The following FGF13 variants were observed in gnomAD, a reference collection of about 807,000 sequenced individuals.
FGF13 encodes the protein fibroblast growth factor 13, also known as fibroblast growth factor homologous factor 2.
Under a neutral mutation model 19.5 loss-of-function variants are expected in FGF13, and 2 were observed. The observed-to-expected ratio is 0.10, with a 90% CI of 0.04 to 0.32. The LOEUF (loss-of-function observed/expected upper bound fraction) is 0.32, where lower values mean the gene tolerates loss of function less well. Among genes scored for constraint, FGF13 ranks in the 10% least tolerant of loss-of-function variants. The probability of loss-of-function intolerance (pLI) is 1.00; values close to 1 mark genes in which losing one functional copy is unlikely to be tolerated. For synonymous variants in FGF13, 72 were observed against 76.9 expected, an observed-to-expected ratio of 0.94 and a Z score of 0.33; for missense variants, 113 against 192.7, an observed-to-expected ratio of 0.59 and a Z score of 2.45.
upstream of FGF13, among the ~76,000 whole-genome samples, chrX:138,742,504 C>T (rs776156099): frequency 1.8e-5 from 2 of 111,424 alleles, no homozygotes; most frequent in East Asian, 2.9e-4. Flanking sequence ...CTCTCTCTCT[C>T]TCTCTCTCTC....
chrX:139,116,659 G>C (rs2083641455), intron 1 of FGF13, among the ~76,000 whole-genome samples: 1 of 111,272 alleles, frequency 9.0e-6, no homozygotes, highest in Non-Finnish European at 1.9e-5. Context: ...GCTCCTTCAA[G>C]TTGGTGAAGA....
chrX:138,860,849 G>A (rs1162282989), intron 2 of FGF13, among the ~76,000 whole-genome samples: 1 of 111,962 alleles, frequency 8.9e-6, no homozygotes, highest in East Asian at 2.8e-4. Context: ...GGGAAATTTT[G>A]CCCATATAGG....
intron 1 of FGF13, among the ~76,000 whole-genome samples, chrX:139,024,536 AC>A (rs768037511): frequency 4.1e-4 from 45 of 110,647 alleles, no homozygotes; most frequent in Non-Finnish European, 6.8e-4. Flanking sequence ...TCTCATTCTC[AC>A]CCCATTGTGC....
At chrX:139,069,844 G>C in intron 1 of FGF13, among the ~76,000 whole-genome samples, 1 of 111,950 alleles carries the variant, frequency 8.9e-6, no homozygotes, top group Admixed American at 9.5e-5. Flanking sequence ...ACAACCATCT[G>C]ATCTTTGACA....
intron 1 of FGF13, among the ~76,000 whole-genome samples, chrX:139,066,208 C>T (rs2092355820): frequency 1.8e-5 from 2 of 111,294 alleles, no homozygotes; most frequent in African/African-American, 6.5e-5. Flanking sequence ...TAAATGCCCA[C>T]GAGAGAAAGC....
chrX:138,871,313 T>C (rs1319845659), intron 1 of FGF13, among the ~76,000 whole-genome samples: 1 of 112,056 alleles, frequency 8.9e-6, no homozygotes, highest in Non-Finnish European at 1.9e-5. Flanking sequence ...CAACAAATAT[T>C]TATTGGAAAT....
At chrX:139,165,552 G>A (rs746552249) in intron 1 of FGF13, among the ~76,000 whole-genome samples, 3 of 111,389 alleles carry the variant, frequency 2.7e-5, no homozygotes, top group Non-Finnish European at 5.7e-5. Context: ...CTTCCATCAG[G>A]GGCCCAGAGC....
chrX:138,767,353 G>T (rs1391599962), intron 3 of FGF13, among the ~76,000 whole-genome samples: 1 of 111,901 alleles, frequency 8.9e-6, no homozygotes, highest in East Asian at 2.8e-4. Flanking sequence ...ATTCAATGAT[G>T]CATCTGAAAT....
intron 3 of FGF13, among the ~76,000 whole-genome samples, chrX:138,845,737 A>G (rs973730627): frequency 2.7e-5 from 3 of 111,741 alleles, no homozygotes; most frequent in African/African-American, 9.8e-5. Flanking sequence ...TTATCCACTA[A>G]GTGAACAGCT....
intron 1 of FGF13, among the ~76,000 whole-genome samples, chrX:138,924,195 A>G (rs1603035594): frequency 8.9e-6 from 1 of 112,001 alleles, no homozygotes; most frequent in Non-Finnish European, 1.9e-5. Flanking sequence ...GGGATGTCCA[A>G]GGGGGTATGT....
intron 3 of FGF13, among the ~76,000 whole-genome samples, chrX:138,816,661 T>C (rs1181842190): frequency 1.8e-5 from 2 of 112,714 alleles, no homozygotes; most frequent in African/African-American, 6.4e-5. Context: ...GGCAAGCTTG[T>C]CCAACCCATG....
chrX:138,716,982 A>G (rs1405537948), intron 1 of FGF13, among the ~76,000 whole-genome samples: 2 of 112,501 alleles, frequency 1.8e-5, no homozygotes, highest in Non-Finnish European at 3.7e-5. Flanking sequence ...TTTAAAATCA[A>G]TTGAGAAAAC....
intron 1 of FGF13, among the ~76,000 whole-genome samples, chrX:139,124,970 T>C (rs1043854752): frequency 8.9e-6 from 1 of 111,751 alleles, no homozygotes; most frequent in Non-Finnish European, 1.9e-5. Context: ...CCCAGCTGCA[T>C]AGACAGCAAA....
intron 1 of FGF13, among the ~76,000 whole-genome samples, chrX:138,909,313 G>A (rs2091575190): frequency 8.9e-6 from 1 of 111,838 alleles, no homozygotes; most frequent in Admixed American, 9.5e-5. Flanking sequence ...AAATGGAGCA[G>A]GTGGTAATTA....
chrX:138,803,132 C>T (rs1482455824), intron 3 of FGF13, among the ~76,000 whole-genome samples: 1 of 111,753 alleles, frequency 8.9e-6, no homozygotes, highest in African/African-American at 3.3e-5. Flanking sequence ...GGTTCAGGCT[C>T]ACCACCTCTT....
chrX:138,641,217 G>A (rs190222273), intron 3 of FGF13, among the ~76,000 whole-genome samples: 314 of 112,274 alleles, frequency 2.8e-3, no homozygotes, highest in African/African-American at 9.9e-3. Flanking sequence ...TTATGAGTAG[G>A]CATTTAAAGA....
At chrX:138,887,786 C>T (rs922062157) in intron 1 of FGF13, among the ~76,000 whole-genome samples, 2 of 112,168 alleles carry the variant, frequency 1.8e-5, no homozygotes, top group Non-Finnish European at 3.8e-5. Context: ...AAAGACTGAG[C>T]AGTGGCTCCT....
chrX:138,936,082 G>C (rs766577655), intron 1 of FGF13, among the ~76,000 whole-genome samples: 2 of 112,416 alleles, frequency 1.8e-5, no homozygotes, highest in Non-Finnish European at 3.8e-5. Flanking sequence ...AGGTCCCAAA[G>C]TTGTACTTGA....
At chrX:138,808,843 A>G (rs2090895254) in intron 3 of FGF13, among the ~76,000 whole-genome samples, 1 of 112,359 alleles carries the variant, frequency 8.9e-6, no homozygotes, top group East Asian at 2.8e-4. Context: ...TAGAAAATCC[A>G]GAAGAAATGG....
Sources: allele counts gnomAD v4.1 joint callset (sites outside exome capture counted in the v4.1 genomes callset), GRCh38; gene constraint gnomAD v4.1.1; transcripts MANE v1.5; gene names NCBI Gene and HGNC (gene_info 2026-07-23, HGNC 2026-07-21).